DOCK2: variants seen among roughly 807,000 people sequenced by gnomAD.
DOCK2 encodes the protein dedicator of cytokinesis 2, also known as dedicator of cytokinesis protein 2.
A neutral mutation model predicts 248.9 loss-of-function variants in DOCK2; 87 were observed. The ratio of observed to expected loss-of-function variants is 0.35; its 90% CI spans 0.29 to 0.42. DOCK2 has a LOEUF of 0.42. DOCK2 is among the 10% of genes least tolerant of loss of function. The pLI is 1.00. For synonymous variants in DOCK2, 805 were observed against 821.6 expected, an observed-to-expected ratio of 0.98 and a Z score of 0.35; for missense variants, 1,747 against 2,300.2, an observed-to-expected ratio of 0.76 and a Z score of 4.92.
chr5:169,983,633 C>T (rs961661790), intron 28 of DOCK2, among the ~76,000 whole-genome samples: 1 of 152,192 alleles, frequency 6.6e-6, no homozygotes, highest in African/African-American at 2.4e-5. Context: ...CCTGTGGCTT[C>T]TATCTCTGCA....
chr5:170,038,889 G>A (rs1383997512), intron 36 of DOCK2, among the ~76,000 whole-genome samples: 1 of 152,182 alleles, frequency 6.6e-6, no homozygotes, highest in Non-Finnish European at 1.5e-5. Context: ...AGGGGTCTAA[G>A]GCATCGAGGA....
At chr5:170,002,628 G>C (rs1754879613) in intron 30 of DOCK2, among the ~76,000 whole-genome samples, 1 of 152,088 alleles carries the variant, frequency 6.6e-6, no homozygotes, top group Admixed American at 6.5e-5. Flanking sequence ...GTTAATTAAA[G>C]TAACTAAATT....
intron 2 of DOCK2, among the ~76,000 whole-genome samples, chr5:169,657,893 TAAAG>T (rs1442129974): frequency 6.6e-6 from 1 of 152,206 alleles, no homozygotes. Context: ...ATGGCTACCA[TAAAG>T]AATGTTATTG....
intron 2 of DOCK2, among the ~76,000 whole-genome samples, chr5:169,658,340 C>T (rs1288266612): frequency 3.3e-5 from 5 of 151,724 alleles, no homozygotes; most frequent in African/African-American, 1.2e-4. Context: ...ATTAGCCGGG[C>T]GTGGTGGCAG....
At chr5:169,674,192 A>C in intron 5 of DOCK2, 105 bp from the exon 6 acceptor site, 1 of 1,401,212 alleles carries the variant, frequency 7.1e-7, no homozygotes, top group South Asian at 1.4e-5. Flanking sequence ...AGAGAGCCTC[A>C]GGCCATGGCC....
chr5:169,863,400 G>A (rs1004884680), intron 27 of DOCK2, among the ~76,000 whole-genome samples: 3 of 152,206 alleles, frequency 2.0e-5, no homozygotes, highest in East Asian at 1.9e-4. Flanking sequence ...TGATGGACAG[G>A]TTGCTGGATC....
At chr5:169,769,017 G>A (rs1426459526) in intron 25 of DOCK2, among the ~76,000 whole-genome samples, 1 of 152,160 alleles carries the variant, frequency 6.6e-6, no homozygotes, top group Non-Finnish European at 1.5e-5. Context: ...AGTCCCTGGG[G>A]AAGCAATGTG....
chr5:169,956,037 T>C (rs1481682671), intron 27 of DOCK2, among the ~76,000 whole-genome samples: 1 of 149,050 alleles, frequency 6.7e-6, no homozygotes, highest in Non-Finnish European at 1.5e-5. Flanking sequence ...AGACATAGAT[T>C]TGAAAAAAAA....
At chr5:169,888,957 T>C (rs1215673063) in intron 27 of DOCK2, among the ~76,000 whole-genome samples, 1 of 152,208 alleles carries the variant, frequency 6.6e-6, no homozygotes, top group Non-Finnish European at 1.5e-5. Context: ...GTCTCTGTAC[T>C]TTGTGTCTTT....
At chr5:169,852,800 G>A (rs548133026) in intron 27 of DOCK2, among the ~76,000 whole-genome samples, 1 of 152,200 alleles carries the variant, frequency 6.6e-6, no homozygotes, top group Non-Finnish European at 1.5e-5. Context: ...GTGAAGTAAT[G>A]TTCAGCTGTT....
chr5:169,964,209 G>A (rs1456619536), intron 27 of DOCK2, among the ~76,000 whole-genome samples: 1 of 152,184 alleles, frequency 6.6e-6, no homozygotes, highest in Non-Finnish European at 1.5e-5. Flanking sequence ...ATTACATTCT[G>A]TGCTTTATCC....
At chr5:169,897,566 C>T (rs977803329) in intron 27 of DOCK2, among the ~76,000 whole-genome samples, 20 of 152,292 alleles carry the variant, frequency 1.3e-4, no homozygotes, top group African/African-American at 4.8e-4. Context: ...ACTACTGTAT[C>T]AAGTGGGAAG....
chr5:169,672,309 A>G (rs985121135), intron 5 of DOCK2, among the ~76,000 whole-genome samples: 5 of 152,094 alleles, frequency 3.3e-5, no homozygotes, highest in African/African-American at 1.2e-4. Flanking sequence ...CGCCCGGCCT[A>G]CTACCCCTTT....
chr5:169,858,181 G>A (rs1770995117), intron 27 of DOCK2, among the ~76,000 whole-genome samples: 1 of 152,220 alleles, frequency 6.6e-6, no homozygotes, highest in Non-Finnish European at 1.5e-5. Flanking sequence ...GCAAGAATAA[G>A]CGAGATGGCT....
intron 27 of DOCK2, among the ~76,000 whole-genome samples, chr5:169,847,795 TG>T (rs1159023693): frequency 6.6e-6 from 1 of 152,190 alleles, no homozygotes; most frequent in Non-Finnish European, 1.5e-5. Flanking sequence ...GGGAAGAACT[TG>T]GGAATTGATT....
intron 50 of DOCK2, 66 bp from the exon 51 acceptor site, chr5:170,081,776 A>G: frequency 9.6e-7 from 1 of 1,042,006 alleles, no homozygotes; most frequent in Non-Finnish European, 1.2e-6. Context: ...CCCCCTGTCT[A>G]CCTCCCCCAA....
At chr5:170,003,741 G>C (rs1041397392) in intron 30 of DOCK2, among the ~76,000 whole-genome samples, 30 of 152,340 alleles carry the variant, frequency 2.0e-4, no homozygotes, top group African/African-American at 7.0e-4. Context: ...TAAAAGCCAG[G>C]TGGGTTCATT....
chr5:169,972,773 T>C (rs562207968), intron 27 of DOCK2, among the ~76,000 whole-genome samples: 1 of 152,288 alleles, frequency 6.6e-6, no homozygotes, highest in African/African-American at 2.4e-5. Context: ...GACTGAGGAA[T>C]TGTCTAGGAA....
intron 26 of DOCK2, 109 bp downstream of exon 26, chr5:169,803,315 T>C: frequency 7.0e-7 from 1 of 1,432,894 alleles, no homozygotes; most frequent in Non-Finnish European, 9.3e-7. Flanking sequence ...AAGATAAAAG[T>C]CAACGGCTTG....
Sources: gnomAD v4.1 joint callset for allele counts (sites outside exome capture counted in the v4.1 genomes callset) on GRCh38, gnomAD v4.1.1 for gene constraint, MANE v1.5 for transcripts, NCBI Gene and HGNC (gene_info 2026-07-23, HGNC 2026-07-21) for gene names.